The following ECHS1 variants were observed in gnomAD, a reference collection of about 807,000 sequenced individuals.
ECHS1 encodes the protein enoyl-CoA hydratase, short chain 1.
Under a neutral mutation model 33.5 loss-of-function variants are expected in ECHS1, and 19 were observed. The ratio of observed to expected loss-of-function variants is 0.57; its 90% CI spans 0.40 to 0.83. The LOEUF (loss-of-function observed/expected upper bound fraction) is 0.83, where lower values mean the gene tolerates loss of function less well. ECHS1 is among the 40% of genes least tolerant of loss of function. ECHS1 has a pLI of 0.00. For synonymous variants in ECHS1, 158 were observed against 146.6 expected, an observed-to-expected ratio of 1.08 and a Z score of -0.56; for missense variants, 365 against 381.3, an observed-to-expected ratio of 0.96 and a Z score of 0.36.
At position 133,362,908 on chromosome 10, in the gene ECHS1, G is replaced by GCGGTCATCCCTTCTTTC. The variant is rs1564802401; in HGVS notation, c.816_832dup (p.Ala278GlyfsTer5). 6.2e-7 allele frequency: 1 copy of GCGGTCATCCCTTCTTTC among 1,614,082 alleles called. No individual in the cohort carries two copies. Among genetic ancestry groups the GCGGTCATCCCTTCTTTC allele is most frequent in the African/African-American group, 1.3e-5 (1 of 75,026 alleles). On this transcript the variant is annotated stop_gained and frameshift_variant, in exon 8 of 8. Transcript: ENST00000368547. LOFTEE classifies it high-confidence loss of function. ...GTTGGCCTTTCTCTTTTCCACAAACGCGGTCATCCCTTCTTTCCGGTCATC... is the reference window on the plus strand; with the variant it reads ...GTTGGCCTTTCTCTTTTCCACAAACGCGGTCATCCCTTCTTTCCGGTCATCCCTTCTTTCCGGTCATC...
chr10:133,369,161 A>G (rs1849071714), intron 3 of ECHS1, 139 bp from the exon 4 acceptor site: 5 of 703,286 alleles, frequency 7.1e-6, no homozygotes, highest in Admixed American at 2.6e-5. Flanking sequence ...ACCAAACTAG[A>G]TAATTGTTAT....
intron 4 of ECHS1, among the ~76,000 whole-genome samples, 177 bp downstream of exon 4, chr10:133,368,746 C>A (rs563121724): frequency 5.3e-5 from 8 of 152,172 alleles, no homozygotes; most frequent in Non-Finnish European, 1.2e-4. Context: ...TAAGGCCCCC[C>A]CCAAGCTCTG....
rs1849021168 is a variant in ECHS1 at position 133,365,909 on chromosome 10, C to T, written c.739+67G>A. 10 of 1,587,984 alleles carry T rather than the reference C, an allele frequency of 6.3e-6. No homozygotes were observed. The East Asian group carries it at 2.2e-4, about 36-fold the overall frequency. On this transcript the variant is annotated intron_variant, in intron 6 of 7. Transcript: ENST00000368547. ...GCATATTCATTTGGAGCCAGAAAGC[C>T]TGCTGCTGAGGAATGCTCCTGACAG...
At chr10:133,367,031 A>C in intron 4 of ECHS1, 38 bp from the exon 5 acceptor site, 1 of 1,523,874 alleles carries the variant, frequency 6.6e-7, no homozygotes, top group African/African-American at 1.4e-5. Flanking sequence ...CACTGTGATG[A>C]GTGAACCCAA....
intron 2 of ECHS1, 109 bp downstream of exon 2, chr10:133,370,451 C>A: frequency 8.3e-6 from 10 of 1,200,246 alleles, no homozygotes; most frequent in Non-Finnish European, 1.1e-5. Context: ...AGTCCCCAGT[C>A]GCATGCCTCT....
intron 4 of ECHS1, among the ~76,000 whole-genome samples, chr10:133,367,961 C>T (rs3975640): frequency 8.3e-4 from 126 of 152,192 alleles, no homozygotes; most frequent in Middle Eastern, 3.4e-3. Flanking sequence ...CCTGCCCCCT[C>T]GTCCTGTATG....
Position 133,370,676 on chromosome 10 carries a change from G to A in ECHS1, c.170C>T (p.Ala57Val), listed in dbSNP as rs566458239. 2.5e-6 allele frequency: 4 copies of A among 1,613,380 alleles called. No homozygotes were observed. The South Asian group carries it at 4.4e-5, about 18-fold the overall frequency. Reference sequence around the variant, plus strand: ...CAGGCCATCGCAAAGTGCATTGAGGGCCTTGGGGCGGTTCAGTTGGATCAA... The same window carrying A: ...CAGGCCATCGCAAAGTGCATTGAGGACCTTGGGGCGGTTCAGTTGGATCAA... Reference protein sequence around the residue: ...VGLIQLNRPKALNALCDGLID... With the variant: ...VGLIQLNRPKVLNALCDGLID... Residue 57 changes from alanine to valine, a missense_variant, in exon 2 of 8, where the codon GCC (alanine) becomes GTC (valine). Transcript: ENST00000368547.
intron 2 of ECHS1, 84 bp from the exon 3 acceptor site, chr10:133,370,115 C>A: frequency 1.3e-6 from 2 of 1,551,200 alleles, no homozygotes; most frequent in Non-Finnish European, 8.7e-7. Context: ...CAAGGAACTT[C>A]AGAGCACACC....
chr10:133,363,073 C>A, intron 7 of ECHS1, 140 bp from the exon 8 acceptor site: 1 of 902,556 alleles, frequency 1.1e-6, no homozygotes, highest in Non-Finnish European at 1.8e-6. Context: ...GACTCAGCGG[C>A]AGGAACACCT....
intron 2 of ECHS1, 73 bp from the exon 3 acceptor site, chr10:133,370,104 A>C: frequency 6.3e-7 from 1 of 1,581,262 alleles, no homozygotes; most frequent in African/African-American, 1.3e-5. Context: ...TCTCAGACCA[A>C]CAAGGAACTT....
chr10:133,370,886 A>C, intron 1 of ECHS1, 129 bp from the exon 2 acceptor site: 1 of 821,318 alleles, frequency 1.2e-6, no homozygotes, highest in Non-Finnish European at 1.8e-6. Flanking sequence ...CTCCCTGCCG[A>C]GTCCTCAGTG....
rs557128093 is a variant in ECHS1, at chr10:133,366,970, T to C, written c.538A>G (p.Thr180Ala). The C allele has an allele frequency of 7.4e-5, 120 of 1,612,412 alleles. No individual in the cohort carries two copies. Among genetic ancestry groups the C allele is most frequent in the Non-Finnish European group, 9.4e-5 (111 of 1,179,938 alleles). ...GCCAGCGACTTCCCAACAGCACGGG[T>C]GAGTCTCTGGGTGCCGCCCGCACCT... ...IPGAGGTQRL[T>A]RAVGKSLAME... The change falls in exon 5 of 8, where the codon ACC (threonine) becomes GCC (alanine). Residue 180 changes from threonine (T) to alanine (A), a missense_variant. Coordinates refer to ENST00000368547, the MANE Select transcript of ECHS1 (RefSeq NM_004092.4).
chr10:133,372,577 C>A (rs1450173649), intron 1 of ECHS1, among the ~76,000 whole-genome samples: 2 of 152,118 alleles, frequency 1.3e-5, no homozygotes, highest in East Asian at 3.9e-4. Flanking sequence ...CCCCACCCTG[C>A]GCCCAGTTGG....
chr10:133,369,237 T>C (rs939607484), intron 3 of ECHS1, among the ~76,000 whole-genome samples: 6 of 152,260 alleles, frequency 3.9e-5, no homozygotes, highest in Middle Eastern at 3.4e-3. Context: ...TAAAGGACCA[T>C]GAGGGTCTTA....
chr10:133,370,191 T>C (rs1330413101), intron 2 of ECHS1, among the ~76,000 whole-genome samples, 160 bp from the exon 3 acceptor site: 1 of 152,196 alleles, frequency 6.6e-6, no homozygotes, highest in African/African-American at 2.4e-5. Context: ...GTAGGGACGC[T>C]GTAATGCCAG....
At chr10:133,368,792 G>T in intron 4 of ECHS1, 131 bp downstream of exon 4, 1 of 798,076 alleles carries the variant, frequency 1.3e-6, no homozygotes, top group Admixed American at 2.6e-5. Flanking sequence ...TGTCCACAGA[G>T]GGACCACTGA....
chr10:133,367,551 A>G (rs1253103590), intron 4 of ECHS1, among the ~76,000 whole-genome samples: 1 of 151,552 alleles, frequency 6.6e-6, no homozygotes, highest in African/African-American at 2.4e-5. Context: ...GAAGGCAACC[A>G]TTACTTAGCA....
chr10:133,366,430 G>A (rs574007845), intron 5 of ECHS1, among the ~76,000 whole-genome samples: 1 of 152,380 alleles, frequency 6.6e-6, no homozygotes, highest in South Asian at 2.1e-4. Context: ...TGCATTTTGG[G>A]GACGCAATTG....
At chr10:133,367,416 T>C (rs1589881364) in intron 4 of ECHS1, among the ~76,000 whole-genome samples, 1 of 151,110 alleles carries the variant, frequency 6.6e-6, no homozygotes, top group Admixed American at 6.6e-5. Context: ...AACTGGCGGG[T>C]ATAGGGTCAG....
Sources: gnomAD v4.1 joint callset for allele counts (sites outside exome capture counted in the v4.1 genomes callset) on GRCh38, gnomAD v4.1.1 for gene constraint, MANE v1.5 for transcripts, NCBI Gene and HGNC (gene_info 2026-07-23, HGNC 2026-07-21) for gene names.